TMEM135: variants seen among roughly 807,000 people sequenced by gnomAD.
TMEM135 encodes peroxisomal membrane protein 52.
A neutral mutation model predicts 60.3 loss-of-function variants in TMEM135; 30 were observed. The ratio of observed to expected loss-of-function variants is 0.50; its 90% confidence interval spans 0.37 to 0.68. TMEM135 has a LOEUF of 0.68. TMEM135 is among the 30% of genes least tolerant of loss of function. TMEM135 has a pLI of 0.00. For synonymous variants in TMEM135, 190 were observed against 186.7 expected (o/e 1.02, Z -0.14); for missense variants, 468 against 548.8 (o/e 0.85, Z 1.47).
At chr11:87,074,177 G>A (rs1052698224) in intron 3 of TMEM135, among the ~76,000 whole-genome samples, 2 of 152,250 alleles carry the variant, frequency 1.3e-5, no homozygotes, top group East Asian at 3.9e-4. Flanking sequence ...TGTTGGCCAG[G>A]CTGGTCTCGA....
At chr11:87,261,362 G>T (rs1941648489) in intron 6 of TMEM135, among the ~76,000 whole-genome samples, 1 of 151,880 alleles carries the variant, frequency 6.6e-6, no homozygotes, top group Admixed American at 6.6e-5. Context: ...TCATGAGTCT[G>T]TTAATTATTT....
At chr11:87,181,251 G>A (rs1939507042) in intron 5 of TMEM135, among the ~76,000 whole-genome samples, 1 of 152,094 alleles carries the variant, frequency 6.6e-6, no homozygotes, top group Admixed American at 6.6e-5. Flanking sequence ...AAGTGAAATT[G>A]AAGAAAGGGC....
chr11:87,300,741 A>C (rs897224228), intron 7 of TMEM135, among the ~76,000 whole-genome samples: 2 of 152,218 alleles, frequency 1.3e-5, no homozygotes, highest in South Asian at 4.1e-4. Context: ...GAAGATATAC[A>C]TGGTCTCACA....
At chr11:87,229,421 C>G (rs1417388205) in intron 5 of TMEM135, among the ~76,000 whole-genome samples, 3 of 151,930 alleles carry the variant, frequency 2.0e-5, no homozygotes, top group Non-Finnish European at 4.4e-5. Context: ...TTTCTTTCAC[C>G]CATCAGACTG....
intron 3 of TMEM135, among the ~76,000 whole-genome samples, chr11:87,090,181 A>T (rs1461374316): frequency 6.6e-6 from 1 of 152,062 alleles, no homozygotes; most frequent in Non-Finnish European, 1.5e-5. Flanking sequence ...GTCCAATGTT[A>T]TATTTTATAT....
chr11:87,263,745 A>C (rs7126948), intron 6 of TMEM135, among the ~76,000 whole-genome samples: 49,222 of 151,960 alleles, frequency 0.32, 8,964 homozygotes, highest in Non-Finnish European at 0.42. Flanking sequence ...TGGTGAAGAA[A>C]ATGAACGTGA....
intron 5 of TMEM135, among the ~76,000 whole-genome samples, chr11:87,213,344 C>T (rs950906756): frequency 6.6e-6 from 1 of 152,046 alleles, no homozygotes; most frequent in Non-Finnish European, 1.5e-5. Context: ...TGCAACTATA[C>T]GATTTTGTTT....
In TMEM135 at chr11:87,323,594, A is replaced by G. The variant is rs1346237221; in HGVS notation, c.*2261A>G. On this transcript the variant is annotated 3_prime_UTR_variant, in exon 15 of 15. Transcript: ENST00000305494. ...AGTTTTCACTGGAACTGATTACAGTAAACAATAATATGTCCCCTTAGTCTT... is the reference window on the plus strand; with the variant it reads ...AGTTTTCACTGGAACTGATTACAGTGAACAATAATATGTCCCCTTAGTCTT... 2.2e-6 allele frequency: 1 copy of G among 453,672 alleles called. No individual in the cohort carries two copies. The highest frequency in any genetic ancestry group is 2.0e-5 in the African/African-American group (1 of 49,998). The allele number at this position is 453,672 out of a possible 1,614,324, so 28.1% of individuals were successfully genotyped here.
At chr11:87,308,010 C>A (rs1282237746) in intron 9 of TMEM135, among the ~76,000 whole-genome samples, 1 of 152,192 alleles carries the variant, frequency 6.6e-6, no homozygotes, top group African/African-American at 2.4e-5. Context: ...CTGCCCTTAA[C>A]ATTTAATCTA....
At chr11:87,287,600 C>A (rs1220646141) in intron 6 of TMEM135, among the ~76,000 whole-genome samples, 1 of 152,192 alleles carries the variant, frequency 6.6e-6, no homozygotes, top group Non-Finnish European at 1.5e-5. Flanking sequence ...TCGCTTGAAC[C>A]CAGGAGGCGG....
chr11:87,079,862 G>A (rs1342465688), intron 3 of TMEM135, among the ~76,000 whole-genome samples: 6 of 119,536 alleles, frequency 5.0e-5, no homozygotes, highest in Non-Finnish European at 8.2e-5. Context: ...TTTTTTTTGA[G>A]ACGGAGCCTC....
intron 6 of TMEM135, among the ~76,000 whole-genome samples, chr11:87,275,149 T>A (rs1019471601): frequency 6.6e-6 from 1 of 152,110 alleles, no homozygotes; most frequent in African/African-American, 2.4e-5. Context: ...GCAATTTTAT[T>A]TCAAAGAACT....
At chr11:87,169,214 C>A (rs1301573956) in intron 5 of TMEM135, among the ~76,000 whole-genome samples, 1 of 148,922 alleles carries the variant, frequency 6.7e-6, no homozygotes, top group Non-Finnish European at 1.5e-5. Flanking sequence ...TGAGATGGGA[C>A]TCCTGAACAC....
chr11:87,322,758 T>C lies in TMEM135; in HGVS notation c.*1425T>C. 4.4e-6 allele frequency: 2 copies of C among 454,194 alleles called. No homozygotes were observed. The highest frequency in any genetic ancestry group is 8.8e-6 in the Non-Finnish European group (2 of 226,728). 28.1% of individuals were successfully genotyped at this position (454,194 alleles called of 1,614,324 possible). On this transcript the variant is annotated 3_prime_UTR_variant, in exon 15 of 15. Transcript: ENST00000305494. Reference sequence around the variant, plus strand: ...CTTCTGCTTAAATGTAATTCAATCCTTGGTTGTTATGGCAAACAGAAACCC... The same window carrying C: ...CTTCTGCTTAAATGTAATTCAATCCCTGGTTGTTATGGCAAACAGAAACCC...
intron 5 of TMEM135, chr11:87,178,311 A>G (rs1461092332): frequency 2.3e-6 from 1 of 428,716 alleles, no homozygotes; most frequent in Non-Finnish European, 4.7e-6. Flanking sequence ...TGTGCCAGGA[A>G]CTAGGAACAA....
chr11:87,323,669 G>T lies in TMEM135; in HGVS notation c.*2336G>T, dbSNP rs1325399942. On this transcript the variant is annotated 3_prime_UTR_variant, in exon 15 of 15. Coordinates refer to ENST00000305494, the MANE Select transcript of TMEM135 (RefSeq NM_022918.4). ...ATTGAAAAACCGTGCATTTGGGGCA[G>T]TGGTATTATGGTCATTTCGTTGCTA... 4 of 453,522 alleles carry T rather than the reference G, an allele frequency of 8.8e-6. No individual in the cohort carries two copies. Among genetic ancestry groups the T allele is most frequent in the Non-Finnish European group, 1.8e-5 (4 of 226,690 alleles). 28.1% of individuals were successfully genotyped at this position (453,522 alleles called of 1,614,324 possible). A position where few individuals can be genotyped will look rare whatever the true frequency, so the allele number is the denominator to read the frequency against.
chr11:87,093,576 G>C (rs926965888), intron 4 of TMEM135, among the ~76,000 whole-genome samples: 1 of 151,860 alleles, frequency 6.6e-6, no homozygotes, highest in African/African-American at 2.4e-5. Flanking sequence ...TGTCACCCGG[G>C]CTGGAATGCA....
At chr11:87,313,707 C>T (rs1166694090) in intron 11 of TMEM135, among the ~76,000 whole-genome samples, 2 of 151,752 alleles carry the variant, frequency 1.3e-5, no homozygotes, top group African/African-American at 4.8e-5. Flanking sequence ...GCTTGGGTAT[C>T]TGTCCTGCTA....
At chr11:87,073,975 AT>A (rs1053308160) in intron 3 of TMEM135, among the ~76,000 whole-genome samples, 1 of 149,548 alleles carries the variant, frequency 6.7e-6, no homozygotes, top group African/African-American at 2.5e-5. Flanking sequence ...GGCTTATTTT[AT>A]TTTTTTTGGG....
Sources: gnomAD v4.1 joint callset for allele counts (sites outside exome capture counted in the v4.1 genomes callset) on GRCh38, gnomAD v4.1.1 for gene constraint, MANE v1.5 for transcripts, NCBI Gene and HGNC (gene_info 2026-07-23, HGNC 2026-07-21) for gene names.